The following R3HDM1 variants were observed in gnomAD, a reference collection of about 807,000 sequenced individuals.
R3HDM1 encodes R3H domain-containing protein 1.
R3HDM1 carries 46 observed loss-of-function variants against 141.1 expected under a neutral mutation model. The observed-to-expected ratio is 0.33, with a 90% confidence interval of 0.26 to 0.42. The LOEUF (loss-of-function observed/expected upper bound fraction) is 0.42. Among genes scored for constraint, R3HDM1 ranks in the 10% least tolerant of loss-of-function variants. R3HDM1 has a pLI of 1.00. For missense variants in R3HDM1, 1,184 were observed against 1,368.3 expected (o/e 0.87, Z 2.12); for synonymous variants, 435 against 472.9 (o/e 0.92, Z 1.04).
At chr2:135,538,922 T>G (rs922353459) in intron 1 of R3HDM1, among the ~76,000 whole-genome samples, 4 of 151,630 alleles carry the variant, frequency 2.6e-5, no homozygotes, top group African/African-American at 7.3e-5. Context: ...CTTAAAAGTT[T>G]TTGTTGTTGT....
rs1706019999 is a variant in R3HDM1, at chr2:135,578,488, G to C, written c.-249-24012G>C. Among the ~76,000 whole-genome samples, 2 of 152,106 alleles carry C rather than the reference G, an allele frequency of 1.3e-5. 1 individual carries two copies. Among genetic ancestry groups the C allele is most frequent in the South Asian group, 4.1e-4 (2 of 4,824 alleles). On this transcript the variant is annotated intron_variant, in intron 1 of 26. Transcript: ENST00000683871. ...ATATGACTTTGACTCTCAGAACCCT[G>C]GTAATTTTTTACGTAGTCTCCAGAA...
At chr2:135,697,221 A>G (rs544603119) in intron 21 of R3HDM1, among the ~76,000 whole-genome samples, 2 of 152,304 alleles carry the variant, frequency 1.3e-5, no homozygotes, top group Non-Finnish European at 2.9e-5. Context: ...GCCCAAAACC[A>G]TCTTGTGATG....
At chr2:135,607,082 G>A (rs563609252) in intron 3 of R3HDM1, 9 of 152,186 alleles carry the variant, frequency 5.9e-5, no homozygotes, top group Admixed American at 5.3e-4. Flanking sequence ...TCCACCTCCC[G>A]GGTTCAAGCA....
At chr2:135,693,878 G>A (rs894906801) in intron 21 of R3HDM1, among the ~76,000 whole-genome samples, 4 of 152,150 alleles carry the variant, frequency 2.6e-5, no homozygotes, top group African/African-American at 4.8e-5. Context: ...GGTGGCACCC[G>A]CCTGTGATCC....
intron 3 of R3HDM1, among the ~76,000 whole-genome samples, chr2:135,614,812 T>G (rs977714117): frequency 1.3e-5 from 2 of 150,582 alleles, no homozygotes; most frequent in African/African-American, 5.0e-5. Flanking sequence ...TGCTTTTCTC[T>G]CTCTTTTTTT....
intron 19 of R3HDM1, among the ~76,000 whole-genome samples, chr2:135,663,426 G>A (rs540592865): frequency 1.3e-5 from 2 of 152,056 alleles, no homozygotes; most frequent in African/African-American, 2.4e-5. Context: ...AGCTAGACTT[G>A]TCCTTTCAGC....
At chr2:135,533,609 G>A (rs1487968293) in intron 1 of R3HDM1, among the ~76,000 whole-genome samples, 1 of 152,228 alleles carries the variant, frequency 6.6e-6, no homozygotes, top group Non-Finnish European at 1.5e-5. Flanking sequence ...GGCCGGGCGC[G>A]TTGGCGCACC....
intron 1 of R3HDM1, among the ~76,000 whole-genome samples, chr2:135,549,182 A>T (rs1334318418): frequency 6.6e-6 from 1 of 152,230 alleles, no homozygotes; most frequent in African/African-American, 2.4e-5. Flanking sequence ...ATTTATATGC[A>T]TATGCAGCAT....
At chr2:135,696,766 C>T (rs555853598) in intron 21 of R3HDM1, among the ~76,000 whole-genome samples, 126 of 152,298 alleles carry the variant, frequency 8.3e-4, no homozygotes, top group African/African-American at 2.6e-3. Context: ...GCTGGGTTTA[C>T]AGATGTGAGC....
intron 21 of R3HDM1, among the ~76,000 whole-genome samples, chr2:135,685,562 C>T (rs1352964296): frequency 6.6e-6 from 1 of 152,112 alleles, no homozygotes; most frequent in African/African-American, 2.4e-5. Context: ...CCACACTGTA[C>T]TTGTAACTGA....
chr2:135,690,922 G>A (rs1008667494), intron 21 of R3HDM1, among the ~76,000 whole-genome samples: 6 of 152,054 alleles, frequency 3.9e-5, no homozygotes, highest in Non-Finnish European at 4.4e-5. Flanking sequence ...TACCTTTAAG[G>A]AATAGGAGAG....
intron 7 of R3HDM1, among the ~76,000 whole-genome samples, chr2:135,630,217 T>TTCA (rs2062521845): frequency 7.6e-6 from 1 of 130,946 alleles, no homozygotes; most frequent in Admixed American, 9.8e-5. Context: ...GCGGAGGTAG[T>TTCA]AGTGAGCCGA....
chr2:135,651,984 C>T lies in R3HDM1; in HGVS notation c.1980C>T (p.Ser660=). Reference sequence around the variant, plus strand: ...ATCCTGCCTCTGGTCATCCTGTCAGCCAGCCTGTGCTCCAGCAGCAGGGAT... The same window carrying T: ...ATCCTGCCTCTGGTCATCCTGTCAGTCAGCCTGTGCTCCAGCAGCAGGGAT... ...AGYPASGHPV[S]QPVLQQQGYI... is the part of the protein sequence containing the mutation. The change falls in exon 18 of 27, where the codon AGC becomes AGT. Residue 660 remains serine, a synonymous_variant. Coordinates refer to ENST00000683871, the MANE Select transcript of R3HDM1 (RefSeq NM_001378107.1). 1 of 1,610,532 alleles carries T rather than the reference C, an allele frequency of 6.2e-7. No homozygotes were observed. Among genetic ancestry groups the T allele is most frequent in the South Asian group, 1.1e-5 (1 of 90,430 alleles).
At chr2:135,539,920 G>A (rs2104891112) in intron 1 of R3HDM1, among the ~76,000 whole-genome samples, 1 of 152,178 alleles carries the variant, frequency 6.6e-6, no homozygotes, top group Non-Finnish European at 1.5e-5. Flanking sequence ...TGAAAACAAT[G>A]TCCACGTTGA....
In R3HDM1 at chr2:135,621,470, A is replaced by T. The variant is rs1224638629; in HGVS notation, c.304-24A>T. On this transcript the variant is annotated intron_variant, in intron 5 of 26. Transcript: ENST00000683871. ...ATGAATTGTATTGTATTTTCATTGAATAATTGACTTTGCCTTCCAACAGGA... is the reference window on the plus strand; with the variant it reads ...ATGAATTGTATTGTATTTTCATTGATTAATTGACTTTGCCTTCCAACAGGA... The T allele has an allele frequency of 4.2e-6, 6 of 1,415,214 alleles. No individual in the cohort carries two copies. In the East Asian group the frequency reaches 1.2e-4, roughly 27 times the overall value. The allele number at this position is 1,415,214 out of a possible 1,614,324, so 87.7% of individuals were successfully genotyped here.
intron 21 of R3HDM1, among the ~76,000 whole-genome samples, chr2:135,683,024 G>T (rs551501000): frequency 6.6e-6 from 1 of 151,896 alleles, no homozygotes; most frequent in South Asian, 2.1e-4. Flanking sequence ...AAAGTCTTTG[G>T]AATTACCCGC....
At chr2:135,549,465 G>A (rs1177395533) in intron 1 of R3HDM1, among the ~76,000 whole-genome samples, 1 of 150,714 alleles carries the variant, frequency 6.6e-6, no homozygotes, top group African/African-American at 2.5e-5. Context: ...GGAGGTTGAG[G>A]CAGGAGAATC....
At position 135,722,496 on chromosome 2, in the gene R3HDM1, C is replaced by G; in HGVS notation, c.2992C>G (p.Arg998Gly). The G allele has an allele frequency of 2.5e-6, 4 of 1,613,580 alleles. No homozygotes were observed. Among genetic ancestry groups the G allele is most frequent in the Non-Finnish European group, 3.4e-6 (4 of 1,179,946 alleles). The change falls in exon 26 of 27, where the codon CGA becomes GGA. Residue 998 changes from arginine (R) to glycine (G), a missense_variant. Transcript: ENST00000683871. ...TCAGCCTGGCAGCAGGCATGGAAACCGAGGAAGGAGACAAGCTAAAAAAGC... is the reference window on the plus strand; with the variant it reads ...TCAGCCTGGCAGCAGGCATGGAAACGGAGGAAGGAGACAAGCTAAAAAAGC... ...QGQPGSRHGNRGRRQAKKAAS... is the reference protein window; with the variant it reads ...QGQPGSRHGNGGRRQAKKAAS...
Position 135,709,470 on chromosome 2 carries a change from C to T in R3HDM1, c.2497C>T (p.Gln833Ter). ...VGYLQHPGSE[Q>*]VQFPRTTSPC... Reference sequence around the variant, plus strand: ...TTACCTGCAACATCCAGGATCAGAACAAGTACAATTTCCTCGAACCACTTC... The same window carrying T: ...TTACCTGCAACATCCAGGATCAGAATAAGTACAATTTCCTCGAACCACTTC... The change falls in exon 22 of 27, where the codon CAA (glutamine) becomes TAA (stop). Residue 833 changes from glutamine (Q) to a stop codon, truncating the protein, a stop_gained. Transcript: ENST00000683871. LOFTEE classifies it high-confidence loss of function. 6.2e-7 allele frequency: 1 copy of T among 1,614,152 alleles called. No individual in the cohort carries two copies. The highest frequency in any genetic ancestry group is 8.5e-7 in the Non-Finnish European group (1 of 1,180,028).
Sources: allele counts gnomAD v4.1 joint callset (sites outside exome capture counted in the v4.1 genomes callset), GRCh38; gene constraint gnomAD v4.1.1; transcripts MANE v1.5; gene names NCBI Gene and HGNC (gene_info 2026-07-23, HGNC 2026-07-21).